Variants in SKAP2 observed in about 807,000 individuals in gnomAD.
SKAP2 encodes the protein src kinase-associated phosphoprotein 2.
A neutral mutation model predicts 54.9 loss-of-function variants in SKAP2; 28 were observed. The ratio of observed to expected loss-of-function variants is 0.51; its 90% CI spans 0.38 to 0.70. The LOEUF (loss-of-function observed/expected upper bound fraction) is 0.70. SKAP2 is among the 30% of genes least tolerant of loss of function. The probability of loss-of-function intolerance (pLI) is 0.00; values close to 1 mark genes in which losing one functional copy is unlikely to be tolerated. For synonymous variants in SKAP2, 137 were observed against 134.3 expected (o/e 1.02, Z -0.14); for missense variants, 356 against 424.1 (o/e 0.84, Z 1.41).
chr7:26,754,147 T>C (rs1782740036), intron 4 of SKAP2, among the ~76,000 whole-genome samples: 1 of 152,028 alleles, frequency 6.6e-6, no homozygotes, highest in Admixed American at 6.6e-5. Flanking sequence ...GTGGATCACT[T>C]GAGGTCAAGA....
chr7:26,805,968 CTT>C (rs1001488474), intron 4 of SKAP2, among the ~76,000 whole-genome samples: 19 of 151,944 alleles, frequency 1.3e-4, no homozygotes, highest in Non-Finnish European at 2.5e-4. Flanking sequence ...TCTGTGTCAC[CTT>C]TTGGTAATTT....
At chr7:26,708,115 C>G (rs995911690) in intron 9 of SKAP2, among the ~76,000 whole-genome samples, 2 of 152,162 alleles carry the variant, frequency 1.3e-5, no homozygotes, top group African/African-American at 2.4e-5. Context: ...ACCCTGAAAG[C>G]TGAAGGAGCA....
chr7:26,864,081 ACACC>A (rs947755587), intron 1 of SKAP2, among the ~76,000 whole-genome samples: 5 of 150,156 alleles, frequency 3.3e-5, no homozygotes, highest in African/African-American at 1.2e-4. Flanking sequence ...ACACACACAC[ACACC>A]GTCTTCACAA....
At chr7:26,792,461 T>C (rs1387666060) in intron 4 of SKAP2, among the ~76,000 whole-genome samples, 4 of 152,228 alleles carry the variant, frequency 2.6e-5, no homozygotes, top group Admixed American at 6.5e-5. Flanking sequence ...TTGGAGCCAC[T>C]GACCTGTGTA....
intron 4 of SKAP2, among the ~76,000 whole-genome samples, chr7:26,801,038 C>CAAGA (rs1240649210): frequency 2.0e-5 from 3 of 150,826 alleles, no homozygotes; most frequent in Non-Finnish European, 4.4e-5. Context: ...AAGACGCATC[C>CAAGA]AAGAAAGAAA....
At chr7:26,813,723 G>A (rs550906182) in intron 4 of SKAP2, among the ~76,000 whole-genome samples, 2 of 152,200 alleles carry the variant, frequency 1.3e-5, no homozygotes, top group Non-Finnish European at 2.9e-5. Context: ...CCACTACTCA[G>A]TGTATTCCAT....
intron 9 of SKAP2, among the ~76,000 whole-genome samples, chr7:26,711,377 C>T (rs1369270956): frequency 6.6e-6 from 1 of 152,050 alleles, no homozygotes; most frequent in Non-Finnish European, 1.5e-5. Context: ...TCTGAGTACC[C>T]ACCCTATACC....
At chr7:26,853,318 G>A (rs1169227281) in intron 3 of SKAP2, among the ~76,000 whole-genome samples, 1 of 152,060 alleles carries the variant, frequency 6.6e-6, no homozygotes, top group Non-Finnish European at 1.5e-5. Context: ...CTCCATGGAG[G>A]TTAACTAACC....
At position 26,849,501 on chromosome 7, in the gene SKAP2, T is replaced by C. The variant is rs538847911; in HGVS notation, c.199+4636A>G. Among the ~76,000 whole-genome samples the C allele has an allele frequency of 2.6e-5, 4 of 152,022 alleles. No individual in the cohort carries two copies. In the South Asian group the frequency reaches 8.3e-4, roughly 32 times the overall value. ...GAGTTCGAGACCAGCCTGACCAACA[T>C]GGTGAAACCCCGTCTCTCCTAAAAA... On this transcript the variant is annotated intron_variant, in intron 3 of 12. Transcript: ENST00000345317.
At chr7:26,836,404 G>A (rs942808234) in intron 4 of SKAP2, among the ~76,000 whole-genome samples, 3 of 152,084 alleles carry the variant, frequency 2.0e-5, no homozygotes, top group African/African-American at 7.2e-5. Flanking sequence ...GAGTGAACAG[G>A]CAACCTACAG....
intron 1 of SKAP2, among the ~76,000 whole-genome samples, chr7:26,855,424 G>A (rs1208690796): frequency 2.6e-5 from 4 of 152,034 alleles, no homozygotes; most frequent in African/African-American, 9.7e-5. Context: ...TTCTAGCCAA[G>A]ATTCCCAAAT....
chr7:26,678,639 C>T (rs1313851378), intron 11 of SKAP2, among the ~76,000 whole-genome samples: 1 of 151,988 alleles, frequency 6.6e-6, no homozygotes, highest in East Asian at 1.9e-4. Context: ...CGGGGTTTCA[C>T]CATGTTGGCC....
intron 3 of SKAP2, among the ~76,000 whole-genome samples, chr7:26,846,432 CATATATATATGTGT>C (rs1378174181): frequency 6.6e-6 from 1 of 151,810 alleles, no homozygotes; most frequent in Admixed American, 6.6e-5. Flanking sequence ...ATTATGTGTG[CATATATATATGTGT>C]ATATATGCAT....
chr7:26,701,321 A>G (rs1787016932), intron 9 of SKAP2, among the ~76,000 whole-genome samples: 1 of 152,224 alleles, frequency 6.6e-6, no homozygotes, highest in South Asian at 2.1e-4. Context: ...TTTGAAAACA[A>G]AAACACACAA....
At chr7:26,804,954 T>C (rs377685350) in intron 4 of SKAP2, among the ~76,000 whole-genome samples, 112 of 152,294 alleles carry the variant, frequency 7.4e-4, no homozygotes, top group Admixed American at 2.1e-3. Context: ...ATGTTTCCTA[T>C]AGTATGAAAA....
chr7:26,816,483 T>C (rs1277967569), intron 4 of SKAP2, among the ~76,000 whole-genome samples: 3 of 152,072 alleles, frequency 2.0e-5, no homozygotes, highest in East Asian at 1.9e-4. Flanking sequence ...ATTTAGGCTA[T>C]CAATTTTTAA....
intron 4 of SKAP2, among the ~76,000 whole-genome samples, chr7:26,822,127 G>A (rs1272392078): frequency 1.3e-5 from 2 of 152,090 alleles, no homozygotes. Flanking sequence ...AGTAGTAAAC[G>A]TAACAGATAT....
chr7:26,787,844 C>T (rs996512159), intron 4 of SKAP2, among the ~76,000 whole-genome samples: 4 of 152,108 alleles, frequency 2.6e-5, no homozygotes, highest in Non-Finnish European at 5.9e-5. Flanking sequence ...CCTCTAACAG[C>T]GGGGATTACA....
chr7:26,777,944 T>C (rs1783347669), intron 4 of SKAP2, among the ~76,000 whole-genome samples: 1 of 152,064 alleles, frequency 6.6e-6, no homozygotes, highest in Non-Finnish European at 1.5e-5. Flanking sequence ...ATTATAGGTA[T>C]TTAAATCCTG....
Sources: allele counts gnomAD v4.1 joint callset (sites outside exome capture counted in the v4.1 genomes callset), GRCh38; gene constraint gnomAD v4.1.1; transcripts MANE v1.5; gene names NCBI Gene and HGNC (gene_info 2026-07-23, HGNC 2026-07-21).